ZNF804A: variants seen among roughly 807,000 people sequenced by gnomAD.
ZNF804A encodes zinc finger protein 804A.
A neutral mutation model predicts 16.5 loss-of-function variants in ZNF804A; 2 were observed. The ratio of observed to expected loss-of-function variants is 0.12; its 90% CI spans 0.05 to 0.38. The LOEUF is 0.38. ZNF804A is among the 10% of genes least tolerant of loss of function. ZNF804A has a pLI of 0.99. For missense variants in ZNF804A, 1,473 were observed against 1,390.7 expected (o/e 1.06, Z -0.94); for synonymous variants, 534 against 489.6 (o/e 1.09, Z -1.20).
intron 1 of ZNF804A, among the ~76,000 whole-genome samples, chr2:184,755,064 G>A (rs571640325): frequency 6.6e-6 from 1 of 151,946 alleles, no homozygotes; most frequent in South Asian, 2.1e-4. Context: ...TTTGCGTGGG[G>A]ACAAAGAGCC....
At chr2:184,618,652 A>G (rs1346569290) in intron 1 of ZNF804A, among the ~76,000 whole-genome samples, 1 of 151,888 alleles carries the variant, frequency 6.6e-6, no homozygotes. Context: ...TCATGTTGCA[A>G]TTTTCTCCCA....
At chr2:184,866,976 T>G (rs1457807852) in intron 2 of ZNF804A, among the ~76,000 whole-genome samples, 1 of 151,532 alleles carries the variant, frequency 6.6e-6, no homozygotes, top group South Asian at 2.1e-4. Context: ...TAAGCTACTA[T>G]GAAAACATGT....
chr2:184,816,009 A>G (rs1457336510), intron 1 of ZNF804A, among the ~76,000 whole-genome samples: 1 of 152,066 alleles, frequency 6.6e-6, no homozygotes, highest in East Asian at 1.9e-4. Flanking sequence ...GGTACAGTAC[A>G]TAAGCTGTCA....
chr2:184,860,435 T>G (rs1695781695), intron 1 of ZNF804A, among the ~76,000 whole-genome samples: 1 of 152,224 alleles, frequency 6.6e-6, no homozygotes, highest in African/African-American at 2.4e-5. Flanking sequence ...TGAATGAACC[T>G]AGATTATATC....
At chr2:184,916,145 C>G in intron 2 of ZNF804A, among the ~76,000 whole-genome samples, 1 of 151,718 alleles carries the variant, frequency 6.6e-6, no homozygotes, top group East Asian at 1.9e-4. Flanking sequence ...CAAAAGCTTG[C>G]AAAAAATAGT....
At chr2:184,651,026 C>T (rs1461273983) in intron 1 of ZNF804A, among the ~76,000 whole-genome samples, 3 of 152,040 alleles carry the variant, frequency 2.0e-5, no homozygotes, top group African/African-American at 7.2e-5. Flanking sequence ...TATCATATTA[C>T]CCAACTTCAA....
chr2:184,905,059 G>T (rs999164938), intron 2 of ZNF804A, among the ~76,000 whole-genome samples: 45 of 151,162 alleles, frequency 3.0e-4, no homozygotes, highest in African/African-American at 1.0e-3. Context: ...TTTCTATGTT[G>T]AATCATTTTA....
chr2:184,840,949 G>A (rs1695427872), intron 1 of ZNF804A, among the ~76,000 whole-genome samples: 1 of 152,072 alleles, frequency 6.6e-6, no homozygotes, highest in Non-Finnish European at 1.5e-5. Context: ...AACATTAGGA[G>A]AAATTAAGAC....
At chr2:184,619,001 T>A (rs1358532303) in intron 1 of ZNF804A, among the ~76,000 whole-genome samples, 1 of 152,082 alleles carries the variant, frequency 6.6e-6, no homozygotes, top group Non-Finnish European at 1.5e-5. Flanking sequence ...TTTGGTAAGA[T>A]GCGGATGCAT....
chr2:184,938,852 A>G lies in ZNF804A; in HGVS notation c.3456A>G (p.Gly1152=). The G allele has an allele frequency of 1.9e-6, 3 of 1,613,932 alleles. No individual in the cohort carries two copies. The highest frequency in any genetic ancestry group is 2.5e-6 in the Non-Finnish European group (3 of 1,179,960). ...SLPQLSVGPV[G]PRLCPGNQPT... ...CTCAGCTCTCAGTAGGACCAGTAGG[A>G]CCGAGGCTTTGTCCTGGGAACCAGC... Residue 1152 remains glycine (G), a synonymous_variant, in exon 4 of 4, where the codon GGA becomes GGG. Transcript: ENST00000302277.
At chr2:184,861,528 T>G (rs1695799691) in intron 1 of ZNF804A, among the ~76,000 whole-genome samples, 1 of 152,174 alleles carries the variant, frequency 6.6e-6, no homozygotes, top group African/African-American at 2.4e-5. Context: ...GTCATGTATT[T>G]GTTATTTGTT....
intron 2 of ZNF804A, among the ~76,000 whole-genome samples, chr2:184,905,539 G>A (rs1023388073): frequency 6.6e-6 from 1 of 151,964 alleles, no homozygotes; most frequent in East Asian, 1.9e-4. Flanking sequence ...TAGTGTTACC[G>A]ATTATCTCAG....
intron 1 of ZNF804A, among the ~76,000 whole-genome samples, chr2:184,803,587 A>G (rs1398111044): frequency 2.6e-5 from 4 of 152,198 alleles, no homozygotes; most frequent in East Asian, 3.9e-4. Context: ...CAACACCTAC[A>G]TAAGAAAGAA....
chr2:184,724,087 TC>T lies in ZNF804A; in HGVS notation c.111+125019del, dbSNP rs376709179. Reference sequence around the variant, plus strand: ...CTTATTCTTTTACTTCTATTTCTCTTCCTCATCAAAATCTCCTAGCACTCAT... The same window carrying T: ...CTTATTCTTTTACTTCTATTTCTCTTCTCATCAAAATCTCCTAGCACTCAT... On this transcript the variant is annotated intron_variant, in intron 1 of 3. Transcript: ENST00000302277. Among the ~76,000 whole-genome samples the T allele has an allele frequency of 3.3e-3, 498 of 151,804 alleles. 5 individuals are homozygous for T. Among genetic ancestry groups the T allele is most frequent in the African/African-American group, 0.011 (476 of 41,534 alleles).
intron 1 of ZNF804A, among the ~76,000 whole-genome samples, chr2:184,856,905 C>G (rs1003102632): frequency 2.6e-5 from 4 of 152,056 alleles, no homozygotes; most frequent in African/African-American, 9.7e-5. Flanking sequence ...AAGGGATACT[C>G]AACCAGTACT....
intron 1 of ZNF804A, among the ~76,000 whole-genome samples, chr2:184,713,892 T>G (rs1202604206): frequency 6.6e-6 from 1 of 152,032 alleles, no homozygotes; most frequent in Non-Finnish European, 1.5e-5. Context: ...ATATTTGGTT[T>G]GTTGCATATA....
At chr2:184,685,552 CA>C (rs1396288990) in intron 1 of ZNF804A, among the ~76,000 whole-genome samples, 1 of 152,054 alleles carries the variant, frequency 6.6e-6, no homozygotes, top group Non-Finnish European at 1.5e-5. Context: ...AGAGGAGCTT[CA>C]TTGAGTGACA....
intron 1 of ZNF804A, among the ~76,000 whole-genome samples, chr2:184,697,789 A>C (rs1692856347): frequency 6.6e-6 from 1 of 152,036 alleles, no homozygotes; most frequent in Non-Finnish European, 1.5e-5. Context: ...GATTTTTAGG[A>C]ACTTAAAATA....
At chr2:184,664,018 C>A (rs1692219528) in intron 1 of ZNF804A, among the ~76,000 whole-genome samples, 1 of 152,136 alleles carries the variant, frequency 6.6e-6, no homozygotes, top group South Asian at 2.1e-4. Flanking sequence ...TCACCAAGTT[C>A]TAGTTTCATG....
Sources: allele counts gnomAD v4.1 joint callset (sites outside exome capture counted in the v4.1 genomes callset), GRCh38; gene constraint gnomAD v4.1.1; transcripts MANE v1.5; gene names NCBI Gene and HGNC (gene_info 2026-07-23, HGNC 2026-07-21).